The following ZNF646 variants were observed in gnomAD, a reference collection of about 807,000 sequenced individuals.
The protein encoded by ZNF646 is zinc finger protein 646.
ZNF646 carries 49 observed loss-of-function variants against 115.4 expected under a neutral mutation model. That is an observed-to-expected ratio of 0.42 (90% CI 0.34 to 0.54). The LOEUF (loss-of-function observed/expected upper bound fraction) is 0.54. ZNF646 is among the 20% of genes least tolerant of loss of function. The pLI is 0.04. For synonymous variants in ZNF646, 933 were observed against 939.0 expected (o/e 0.99, Z 0.12); for missense variants, 2,269 against 2,457.9 (o/e 0.92, Z 1.62).
Position 31,079,449 on chromosome 16 carries a change from A to G in ZNF646, c.3125A>G (p.Glu1042Gly). ...GACAGCCTCTGCATCCAGGGTGGGG[A>G]AAGTTTGTTGGAGGCTCAGCCCCGC... ...LGDSLCIQGG[E>G]SLLEAQPRPF... is the part of the protein sequence containing the mutation. The change falls in exon 2 of 3, where the codon GAA becomes GGA. Residue 1042 changes from glutamate to glycine, a missense_variant. Physicochemically the swap from Glu to Gly is moderately conservative, Grantham distance 98. This residue lies in a region of ZNF646 where 1,062 missense variants were observed against 1,172.8 expected (regional missense o/e 0.91). Coordinates refer to ENST00000300850, the MANE Select transcript of ZNF646 (RefSeq NM_014699.4). The surrounding 1 kb of genome is among the most constrained non-coding windows in gnomAD (Gnocchi z 5.5). 1 of 1,613,638 alleles carries G rather than the reference A, an allele frequency of 6.2e-7. No homozygotes were observed. The highest frequency in any genetic ancestry group is 8.5e-7 in the Non-Finnish European group (1 of 1,179,928).
In ZNF646 at chr16:31,080,508, A is replaced by G. The variant is rs1368326393; in HGVS notation, c.4184A>G (p.Asn1395Ser). The G allele has an allele frequency of 6.2e-7, 1 of 1,614,018 alleles. No individual in the cohort carries two copies. Among genetic ancestry groups the G allele is most frequent in the African/African-American group, 1.3e-5 (1 of 75,080 alleles). Reference sequence around the variant, plus strand: ...GAGGAGACAGAAAGGGAGCCAGCCAATGGCCAGGGAGGCCTGGATGGCACA... The same window carrying G: ...GAGGAGACAGAAAGGGAGCCAGCCAGTGGCCAGGGAGGCCTGGATGGCACA... ...EHEETEREPA[N>S]GQGGLDGTAA... Residue 1395 changes from asparagine to serine, a missense_variant, in exon 2 of 3, where the codon AAT (asparagine) becomes AGT (serine). Asn to Ser is a conservative substitution (Grantham distance 46). This residue lies in a region of ZNF646 where 1,062 missense variants were observed against 1,172.8 expected (regional missense o/e 0.91). Transcript: ENST00000300850.
Position 31,080,924 on chromosome 16 carries a change from A to C in ZNF646, c.4600A>C (p.Ser1534Arg). The C allele has an allele frequency of 6.2e-7, 1 of 1,614,148 alleles. No individual in the cohort carries two copies. Among genetic ancestry groups the C allele is most frequent in the Non-Finnish European group, 8.5e-7 (1 of 1,180,020 alleles). Reference sequence around the variant, plus strand: ...GCAGCCAGGGAGCCACTCCTCTTGCAGCCAGTGTGGCAAGACTTACTGCCA... The same window carrying C: ...GCAGCCAGGGAGCCACTCCTCTTGCCGCCAGTGTGGCAAGACTTACTGCCA... ...QLQPGSHSSCSQCGKTYCQSG... is the reference protein window; with the variant it reads ...QLQPGSHSSCRQCGKTYCQSG... Residue 1534 changes from serine to arginine, a missense_variant, in exon 2 of 3, where the codon AGC (serine) becomes CGC (arginine). Coordinates refer to ENST00000300850, the MANE Select transcript of ZNF646 (RefSeq NM_014699.4).
chr16:31,077,258 C>T lies in ZNF646; in HGVS notation c.934C>T (p.His312Tyr). ...CCGGCTCCCCCGGGAGCTGCTGGAA[C>T]ACCAGCAGTCCCATGAGGGTGAAAG... ...VFRLPRELLE[H>Y]QQSHEGERQE... Residue 312 changes from histidine (H) to tyrosine (Y), a missense_variant, in exon 2 of 3, where the codon CAC (histidine) becomes TAC (tyrosine). Coordinates refer to ENST00000300850, the MANE Select transcript of ZNF646 (RefSeq NM_014699.4). 1 of 1,614,144 alleles carries T rather than the reference C, an allele frequency of 6.2e-7. No individual in the cohort carries two copies. The highest frequency in any genetic ancestry group is 8.5e-7 in the Non-Finnish European group (1 of 1,180,042).
upstream of ZNF646, chr16:31,072,771 T>G (rs974131049): frequency 5.3e-5 from 8 of 152,342 alleles, no homozygotes; most frequent in African/African-American, 1.9e-4. Context: ...GACAGAGTCC[T>G]CCTCCCGGCA....
In ZNF646 at chr16:31,078,736, C is replaced by T. The variant is rs771396835; in HGVS notation, c.2412C>T (p.Ser804=). 5.0e-6 allele frequency: 8 copies of T among 1,613,854 alleles called. No homozygotes were observed. In the East Asian group the frequency reaches 1.8e-4, roughly 36 times the overall value. Residue 804 remains serine, a synonymous_variant, in exon 2 of 3, where the codon TCC becomes TCT. Coordinates refer to ENST00000300850, the MANE Select transcript of ZNF646 (RefSeq NM_014699.4). Reference sequence around the variant, plus strand: ...AGCCAGCCACTGGCCAACCCAACTCCTCTTCCCACTCTGCCAATGCTGTCA... The same window carrying T: ...AGCCAGCCACTGGCCAACCCAACTCTTCTTCCCACTCTGCCAATGCTGTCA... ...DQKPATGQPN[S]SSHSANAVTG...
At position 31,078,597 on chromosome 16, in the gene ZNF646, G is replaced by T. The variant is rs867866760; in HGVS notation, c.2273G>T (p.Gly758Val). The change falls in exon 2 of 3, where the codon GGG (glycine) becomes GTG (valine). Residue 758 changes from glycine (G) to valine (V), a missense_variant. By Grantham distance (109) the Gly-to-Val change is moderately radical. Transcript: ENST00000300850. ...FQGDKESGGT[G>V]EGLERKDASL... Reference sequence around the variant, plus strand: ...GGTGATAAAGAGAGCGGAGGCACTGGGGAAGGACTGGAAAGGAAGGATGCC... The same window carrying T: ...GGTGATAAAGAGAGCGGAGGCACTGTGGAAGGACTGGAAAGGAAGGATGCC... 18 of 1,613,516 alleles carry T rather than the reference G, an allele frequency of 1.1e-5. 1 individual carries two copies. In the Middle Eastern group the frequency reaches 1.2e-3, roughly 103 times the overall value.
rs149216659 is a variant in ZNF646 at position 31,076,628 on chromosome 16, C to A, written c.304C>A (p.Arg102Ser). 1 of 1,612,840 alleles carries A rather than the reference C, an allele frequency of 6.2e-7. No individual in the cohort carries two copies. Among genetic ancestry groups the A allele is most frequent in the Non-Finnish European group, 8.5e-7 (1 of 1,179,794 alleles). ...TATGAGGACACATGCTCCTGAGGGC[C>A]GCCGCAGGCACAGGCCCCCACGCCC... ...SHMRTHAPEG[R>S]RRHRPPRPKE... The change falls in exon 2 of 3, where the codon CGC (arginine) becomes AGC (serine). Residue 102 changes from arginine to serine, a missense_variant. Transcript: ENST00000300850.
chr16:31,077,700 C>A lies in ZNF646; in HGVS notation c.1376C>A (p.Thr459Asn). 6.2e-7 allele frequency: 1 copy of A among 1,614,090 alleles called. No individual in the cohort carries two copies. Among genetic ancestry groups the A allele is most frequent in the Non-Finnish European group, 8.5e-7 (1 of 1,180,000 alleles). Residue 459 changes from threonine (T) to asparagine (N), a missense_variant, in exon 2 of 3, where the codon ACC (threonine) becomes AAC (asparagine). Transcript: ENST00000300850. ...AAAGAGGAAGAGGACCCCACCACCA[C>A]CCTGGACCATCGGCCCTATAAGTGC... ...THKEEEDPTT[T>N]LDHRPYKCSE...
rs768613284 is a variant in ZNF646, at chr16:31,077,963, GC to G, written c.1643del (p.Pro548ArgfsTer48). 1.2e-6 allele frequency: 2 copies of G among 1,613,946 alleles called. No individual in the cohort carries two copies. Among genetic ancestry groups the G allele is most frequent in the Non-Finnish European group, 1.7e-6 (2 of 1,180,046 alleles). ...GCCTGACCCAGTGGAGGCAGAGGCA[GC>G]CCCGCACACAGATCAGGACCATGTG... is the stretch of plus-strand genomic sequence containing the variant. ...LPPDPVEAEA[A>X]PHTDQDHVCK... On this transcript the variant is annotated frameshift_variant, in exon 2 of 3. Transcript: ENST00000300850. LOFTEE classifies it high-confidence loss of function.
Position 31,080,850 on chromosome 16 carries a change from C to T in ZNF646, c.4526C>T (p.Thr1509Ile). ...GGTGACTGCCAGCTCAATGGACCTA[C>T]TCTGAGTCACATGGATAGCTGGGAC... ...HAGDCQLNGPTLSHMDSWDNR... is the reference protein window; with the variant it reads ...HAGDCQLNGPILSHMDSWDNR... The change falls in exon 2 of 3, where the codon ACT becomes ATT. Residue 1509 changes from threonine (T) to isoleucine (I), a missense_variant. This residue lies in a region of ZNF646 where 1,062 missense variants were observed against 1,172.8 expected (regional missense o/e 0.91). Coordinates refer to ENST00000300850, the MANE Select transcript of ZNF646 (RefSeq NM_014699.4). 6.2e-7 allele frequency: 1 copy of T among 1,614,148 alleles called. No homozygotes were observed. The highest frequency in any genetic ancestry group is 8.5e-7 in the Non-Finnish European group (1 of 1,180,016).
At chr16:31,076,133 G>C (rs1177726404) in intron 1 of ZNF646, 113 bp from the exon 2 acceptor site, 1 of 640,084 alleles carries the variant, frequency 1.6e-6, no homozygotes. Flanking sequence ...TTAGGTCCTT[G>C]GGCATGGATG....
At position 31,078,144 on chromosome 16, in the gene ZNF646, C is replaced by G. The variant is rs141631516; in HGVS notation, c.1820C>G (p.Thr607Arg). 2 of 1,613,990 alleles carry G rather than the reference C, an allele frequency of 1.2e-6. No individual in the cohort carries two copies. Among genetic ancestry groups the G allele is most frequent in the South Asian group, 2.2e-5 (2 of 91,090 alleles). Residue 607 changes from threonine to arginine, a missense_variant, in exon 2 of 3, where the codon ACA becomes AGA. Physicochemically the swap from Thr to Arg is moderately conservative, Grantham distance 71. This residue lies in a region of ZNF646 where 852 missense variants were observed against 900.2 expected (regional missense o/e 0.95). Coordinates refer to ENST00000300850, the MANE Select transcript of ZNF646 (RefSeq NM_014699.4). ...HGAGEKENSR[T>R]ETTMSPPRAF... ...GCAGGGGAAAAGGAAAATAGCAGAACAGAGACCACAATGTCACCTCCTAGG... is the reference window on the plus strand; with the variant it reads ...GCAGGGGAAAAGGAAAATAGCAGAAGAGAGACCACAATGTCACCTCCTAGG...
rs1169968765 is a variant in ZNF646 at position 31,078,474 on chromosome 16, A to T, written c.2150A>T (p.His717Leu). 6.3e-7 allele frequency: 1 copy of T among 1,588,976 alleles called. No individual in the cohort carries two copies. Among genetic ancestry groups the T allele is most frequent in the East Asian group, 2.2e-5 (1 of 44,516 alleles). The part of the protein sequence containing the change: ...SPQDPSGESP[H>L]GAEGNLESDG... ...CAAGACCCTTCAGGGGAAAGTCCTC[A>T]TGGGGCTGAAGGCAACCTGGAAAGT... Residue 717 changes from histidine to leucine, a missense_variant, in exon 2 of 3, where the codon CAT becomes CTT. Transcript: ENST00000300850.
At chr16:31,075,164 A>G (rs1386013571) in intron 1 of ZNF646, among the ~76,000 whole-genome samples, 1 of 152,212 alleles carries the variant, frequency 6.6e-6, no homozygotes, top group African/African-American at 2.4e-5. Flanking sequence ...TGGTGAGGGT[A>G]AGATCAGGAG....
At position 31,083,612 on chromosome 16, in the gene ZNF646, T is replaced by C; in HGVS notation, c.*520T>C. 6.7e-7 allele frequency: 1 copy of C among 1,492,750 alleles called. No homozygotes were observed. 92.5% of individuals were successfully genotyped at this position (1,492,750 alleles called of 1,614,324 possible). A position where few individuals can be genotyped will look rare whatever the true frequency, so the allele number is the denominator to read the frequency against. On this transcript the variant is annotated 3_prime_UTR_variant, in exon 3 of 3. Coordinates refer to ENST00000300850, the MANE Select transcript of ZNF646 (RefSeq NM_014699.4). ...GTGTGGGAGTGTCCACAGACACCCCTGTCCTGCAGGGTGGGGAGTGGGCAC... is the reference window on the plus strand; with the variant it reads ...GTGTGGGAGTGTCCACAGACACCCCCGTCCTGCAGGGTGGGGAGTGGGCAC...
In ZNF646 at chr16:31,076,237, T is replaced by G; in HGVS notation, c.-79-9T>G. 6.7e-7 allele frequency: 1 copy of G among 1,490,074 alleles called. No homozygotes were observed. The highest frequency in any genetic ancestry group is 8.9e-7 in the Non-Finnish European group (1 of 1,117,774). The allele number at this position is 1,490,074 out of a possible 1,614,324, so 92.3% of individuals were successfully genotyped here. A position where few individuals can be genotyped will look rare whatever the true frequency, so the allele number is the denominator to read the frequency against. ...GGCCTTCCTTTTGACCACTGCCCCC[T>G]CTTCCTAGGCCTTGGCCCCTCCACC... On this transcript the variant is annotated splice_polypyrimidine_tract_variant and intron_variant, in intron 1 of 2. Coordinates refer to ENST00000300850, the MANE Select transcript of ZNF646 (RefSeq NM_014699.4).
At position 31,079,014 on chromosome 16, in the gene ZNF646, G is replaced by C. The variant is rs547740427; in HGVS notation, c.2690G>C (p.Arg897Thr). The C allele has an allele frequency of 3.8e-5, 60 of 1,590,442 alleles. No individual in the cohort carries two copies. In the Admixed American group the frequency reaches 1.0e-3, roughly 26 times the overall value. Reference protein sequence around the residue: ...GMIFPGRAGYRLHRRQAHSSS... With the variant: ...GMIFPGRAGYTLHRRQAHSSS... ...ATCTTCCCTGGGCGGGCTGGCTACA[G>C]GCTTCACCGGCGCCAGGCCCACAGC... Residue 897 changes from arginine to threonine, a missense_variant, in exon 2 of 3, where the codon AGG becomes ACG. Physicochemically the swap from Arg to Thr is moderately conservative, Grantham distance 71. Around this residue, in one of 5 missense-constraint regions of ZNF646, gnomAD observed 852 missense variants for 900.2 expected, o/e 0.95. Coordinates refer to ENST00000300850, the MANE Select transcript of ZNF646 (RefSeq NM_014699.4). The surrounding 1 kb of genome is among the most constrained non-coding windows in gnomAD (Gnocchi z 5.5).
In ZNF646 at chr16:31,079,951, C is replaced by A. The variant is rs371439203; in HGVS notation, c.3627C>A (p.Gly1209=). ...SERPFSCEVC[G]RSYKHAGSLI... is the part of the protein sequence containing the mutation. ...GGCCCTTCAGCTGCGAGGTGTGTGGCCGATCCTACAAGCACGCCGGCAGCC... is the reference window on the plus strand; with the variant it reads ...GGCCCTTCAGCTGCGAGGTGTGTGGACGATCCTACAAGCACGCCGGCAGCC... The change falls in exon 2 of 3, where the codon GGC becomes GGA. Residue 1209 remains glycine (G), a synonymous_variant. Coordinates refer to ENST00000300850, the MANE Select transcript of ZNF646 (RefSeq NM_014699.4). The surrounding 1 kb of genome is among the most constrained non-coding windows in gnomAD (Gnocchi z 5.5). 1 of 1,611,200 alleles carries A rather than the reference C, an allele frequency of 6.2e-7. No homozygotes were observed. Among genetic ancestry groups the A allele is most frequent in the African/African-American group, 1.3e-5 (1 of 74,840 alleles).
In ZNF646 at chr16:31,078,787, C is replaced by T. The variant is rs1170574700; in HGVS notation, c.2463C>T (p.His821=). ...CTGGCTGGCAGGCTGGGGCCGCTCA[C>T]ACATGCTCTGACTGTGGGCATTCTT... is the stretch of plus-strand genomic sequence containing the variant. ...AVTGWQAGAA[H]TCSDCGHSFP... is the part of the protein sequence containing the mutation. Residue 821 remains histidine (H), a synonymous_variant, in exon 2 of 3, where the codon CAC becomes CAT. Coordinates refer to ENST00000300850, the MANE Select transcript of ZNF646 (RefSeq NM_014699.4). 2.5e-6 allele frequency: 4 copies of T among 1,613,730 alleles called. No individual in the cohort carries two copies. Among genetic ancestry groups the T allele is most frequent in the Non-Finnish European group, 3.4e-6 (4 of 1,179,974 alleles).
Sources: allele counts gnomAD v4.1 joint callset (sites outside exome capture counted in the v4.1 genomes callset), GRCh38; gene constraint gnomAD v4.1.1; regional missense constraint gnomAD v4.1.1; non-coding constraint Gnocchi (gnomAD v3.1); transcripts MANE v1.5; gene names NCBI Gene and HGNC (gene_info 2026-07-23, HGNC 2026-07-21).